Variants in AFF3 observed in about 807,000 individuals in gnomAD.
The protein encoded by AFF3 is AF4/FMR2 family member 3.
AFF3 carries 32 observed loss-of-function variants against 129.7 expected under a neutral mutation model. The observed-to-expected ratio is 0.25, with a 90% confidence interval of 0.19 to 0.33. The LOEUF is 0.33. Ranked by LOEUF, AFF3 falls within the 10% of genes least tolerant of loss-of-function variation. The pLI, the probability that AFF3 is intolerant of heterozygous loss-of-function variation, is 1.00. For synonymous variants in AFF3, 644 were observed against 635.4 expected (o/e 1.01, Z -0.20); for missense variants, 1,373 against 1,592.0 (o/e 0.86, Z 2.34).
chr2:100,064,600 G>A (rs1019986337), intron 4 of AFF3, among the ~76,000 whole-genome samples: 3 of 152,180 alleles, frequency 2.0e-5, no homozygotes, highest in Admixed American at 6.5e-5. Flanking sequence ...AAAAGCTTGT[G>A]ATAAATTCCT....
At chr2:100,036,271 C>G (rs1459719866) in intron 4 of AFF3, among the ~76,000 whole-genome samples, 2 of 151,920 alleles carry the variant, frequency 1.3e-5, no homozygotes, top group Non-Finnish European at 2.9e-5. Context: ...CACCCCAGGT[C>G]CTTCTACTTA....
chr2:99,895,449 A>G (rs578219848), intron 7 of AFF3, among the ~76,000 whole-genome samples: 6 of 152,346 alleles, frequency 3.9e-5, no homozygotes, highest in South Asian at 4.1e-4. Flanking sequence ...AAGTGCAGAG[A>G]CATTCTTGTG....
intron 13 of AFF3, among the ~76,000 whole-genome samples, chr2:99,645,498 A>G (rs560523358): frequency 6.6e-6 from 1 of 152,324 alleles, no homozygotes; most frequent in South Asian, 2.1e-4. Context: ...CAGAGTAGAA[A>G]AGAACAGACA....
At chr2:99,567,447 A>G (rs564945031) in intron 19 of AFF3, among the ~76,000 whole-genome samples, 36 of 152,190 alleles carry the variant, frequency 2.4e-4, no homozygotes, top group Non-Finnish European at 4.7e-4. Flanking sequence ...AAGACAGTTC[A>G]AAGTGCAAGG....
intron 7 of AFF3, among the ~76,000 whole-genome samples, chr2:99,981,158 A>G (rs1679363859): frequency 6.6e-6 from 1 of 152,098 alleles, no homozygotes; most frequent in South Asian, 2.1e-4. Flanking sequence ...AGCTGGGATT[A>G]CAGGCATGCA....
At chr2:99,864,817 G>C (rs191557041) in intron 7 of AFF3, among the ~76,000 whole-genome samples, 1 of 152,192 alleles carries the variant, frequency 6.6e-6, no homozygotes, top group African/African-American at 2.4e-5. Context: ...AAAATAGTAA[G>C]GGCTAGGTAA....
intron 4 of AFF3, among the ~76,000 whole-genome samples, chr2:100,025,622 G>C (rs566672983): frequency 4.6e-5 from 7 of 152,224 alleles, no homozygotes; most frequent in Admixed American, 3.9e-4. Context: ...CAAATCTGGA[G>C]GCATCACACT....
chr2:99,992,664 G>A (rs956344211), intron 7 of AFF3, among the ~76,000 whole-genome samples: 2 of 152,192 alleles, frequency 1.3e-5, no homozygotes, highest in Admixed American at 6.5e-5. Flanking sequence ...TAACTGAAAA[G>A]CAATTCCACA....
At chr2:99,560,217 T>C in intron 21 of AFF3, 148 bp downstream of exon 21, 1 of 761,888 alleles carries the variant, frequency 1.3e-6, no homozygotes, top group Non-Finnish European at 2.1e-6. Context: ...CAGCAAAAAA[T>C]GGTCTGGACT....
intron 8 of AFF3, among the ~76,000 whole-genome samples, chr2:99,768,847 T>C (rs1683232696): frequency 1.3e-5 from 2 of 152,258 alleles, no homozygotes; most frequent in Admixed American, 6.5e-5. Flanking sequence ...AGGTTTCCGC[T>C]GAAAAGTCTG....
At position 99,912,080 on chromosome 2, in the gene AFF3, T is replaced by C. The variant is rs924789738; in HGVS notation, c.874-74556A>G. Among the ~76,000 whole-genome samples, 3 of 152,110 alleles carry C rather than the reference T, an allele frequency of 2.0e-5. No homozygotes were observed. In the South Asian group the frequency reaches 6.3e-4, roughly 32 times the overall value. On this transcript the variant is annotated intron_variant, in intron 7 of 24. Transcript: ENST00000672756. ...GAAGTAATTCAGAGATCAATGGGAG[T>C]AATATATTGCTCTTTAGCCCAAAGG... is the stretch of plus-strand genomic sequence containing the variant.
chr2:99,685,469 G>A (rs1437394841), intron 11 of AFF3, among the ~76,000 whole-genome samples: 1 of 152,110 alleles, frequency 6.6e-6, no homozygotes, highest in African/African-American at 2.4e-5. Flanking sequence ...CAGAAGAGGG[G>A]TGCATTTACT....
chr2:99,798,648 A>G lies in AFF3; in HGVS notation c.921+38829T>C, dbSNP rs180671784. Among the ~76,000 whole-genome samples the G allele has an allele frequency of 1.6e-3, 250 of 152,150 alleles. 1 individual carries two copies. The highest frequency in any genetic ancestry group is 5.7e-3 in the African/African-American group (239 of 41,570). On this transcript the variant is annotated intron_variant, in intron 8 of 24. Transcript: ENST00000672756. ...ATTACATGCTAACATTAATCAAAAG[A>G]AAGCTGAATTGGCTATATTAATATT...
chr2:99,743,387 T>C (rs1194288996), intron 10 of AFF3, among the ~76,000 whole-genome samples: 1 of 152,224 alleles, frequency 6.6e-6, no homozygotes, highest in Non-Finnish European at 1.5e-5. Context: ...AGCTTTGTAA[T>C]TGGCAAGGGG....
intron 7 of AFF3, among the ~76,000 whole-genome samples, chr2:99,863,665 G>A (rs1024490995): frequency 2.6e-5 from 4 of 152,248 alleles, no homozygotes; most frequent in African/African-American, 9.6e-5. Context: ...TTACCCACAC[G>A]GCAGACCCTT....
intron 4 of AFF3, among the ~76,000 whole-genome samples, chr2:100,030,350 A>T (rs936927413): frequency 1.2e-4 from 18 of 152,180 alleles, no homozygotes; most frequent in African/African-American, 4.3e-4. Context: ...CTACACACCT[A>T]TTGTGATGGC....
intron 8 of AFF3, among the ~76,000 whole-genome samples, chr2:99,770,169 T>A (rs936439167): frequency 6.6e-6 from 1 of 152,138 alleles, no homozygotes; most frequent in Admixed American, 6.5e-5. Flanking sequence ...TCTATTCCAC[T>A]CTGGCTGAGC....
chr2:99,563,230 G>A (rs1486716527), intron 20 of AFF3, among the ~76,000 whole-genome samples: 1 of 150,584 alleles, frequency 6.6e-6, no homozygotes, highest in Non-Finnish European at 1.5e-5. Context: ...TCGCTCTGTC[G>A]CCCAGGCTGG....
At chr2:100,088,510 T>C (rs1157982384) in intron 4 of AFF3, among the ~76,000 whole-genome samples, 2 of 150,622 alleles carry the variant, frequency 1.3e-5, no homozygotes, top group African/African-American at 4.9e-5. Context: ...GATATCAGGT[T>C]AAAAGAAACA....
Sources: allele counts gnomAD v4.1 joint callset (sites outside exome capture counted in the v4.1 genomes callset), GRCh38; gene constraint gnomAD v4.1.1; transcripts MANE v1.5; gene names NCBI Gene and HGNC (gene_info 2026-07-23, HGNC 2026-07-21).